Variants in ACBD4 observed in about 807,000 individuals in gnomAD.
ACBD4 encodes acyl-CoA-binding domain-containing protein 4.
Under a neutral mutation model 46.0 loss-of-function variants are expected in ACBD4, and 41 were observed. The ratio of observed to expected loss-of-function variants is 0.89; its 90% CI spans 0.69 to 1.16. The LOEUF is 1.16. Ranked by LOEUF, ACBD4 falls within the 50% of genes most tolerant of loss-of-function variation. The pLI is 0.00. For missense variants in ACBD4, 393 were observed against 399.5 expected, an observed-to-expected ratio of 0.98 and a Z score of 0.14; for synonymous variants, 162 against 155.9, an observed-to-expected ratio of 1.04 and a Z score of -0.29.
At chr17:45,141,628 C>T (rs2055277484) in intron 9 of ACBD4, among the ~76,000 whole-genome samples, 1 of 152,130 alleles carries the variant, frequency 6.6e-6, no homozygotes, top group Admixed American at 6.6e-5. Context: ...CACTGCACTC[C>T]AGCTTGGGTG....
In ACBD4 at chr17:45,143,603, A is replaced by G. The variant is rs1302797546; in HGVS notation, c.*32A>G. The G allele has an allele frequency of 6.2e-7, 1 of 1,613,944 alleles. No individual in the cohort carries two copies. Among genetic ancestry groups the G allele is most frequent in the East Asian group, 2.2e-5 (1 of 44,880 alleles). On this transcript the variant is annotated 3_prime_UTR_variant, in exon 10 of 10. Coordinates refer to ENST00000321854, the MANE Select transcript of ACBD4 (RefSeq NM_001135705.3). Reference sequence around the variant, plus strand: ...GTGGAGGGGTCTCTGCAGCCAACTGAGACTATCTTGCTGTGCCCTGAGCCT... The same window carrying G: ...GTGGAGGGGTCTCTGCAGCCAACTGGGACTATCTTGCTGTGCCCTGAGCCT...
rs201096011 is a variant in ACBD4 at position 45,139,093 on chromosome 17, A to C, written c.722A>C (p.Gln241Pro). 6.4e-5 allele frequency: 103 copies of C among 1,613,766 alleles called. No homozygotes were observed. Among genetic ancestry groups the C allele is most frequent in the Non-Finnish European group, 5.1e-6 (6 of 1,180,038 alleles). Reference protein sequence around the residue: ...VWLLGTVRALQESMQEVQARV... With the variant: ...VWLLGTVRALPESMQEVQARV... Reference sequence around the variant, plus strand: ...CTGCTGGGGACAGTTCGAGCACTACAGGAGAGCATGCAGGAGGTGCAGGCG... The same window carrying C: ...CTGCTGGGGACAGTTCGAGCACTACCGGAGAGCATGCAGGAGGTGCAGGCG... Residue 241 changes from glutamine (Q) to proline (P), a missense_variant, in exon 9 of 10, where the codon CAG becomes CCG. Gln to Pro is a moderately conservative substitution (Grantham distance 76). Transcript: ENST00000321854.
At chr17:45,132,147 C>T, upstream of ACBD4, 1 of 1,157,716 alleles carries the variant, frequency 8.6e-7, no homozygotes, top group Non-Finnish European at 1.1e-6. This position sits in a 1 kb window ranked among gnomAD's most constrained non-coding sequence, Gnocchi z 4.6. Flanking sequence ...CTCCCAGCCC[C>T]GTGCAGCCTG....
chr17:45,132,279 C>T (rs2054471622), upstream of ACBD4: 2 of 1,274,366 alleles, frequency 1.6e-6, no homozygotes, highest in East Asian at 2.9e-5. The surrounding 1 kb of genome is among the most constrained non-coding windows in gnomAD (Gnocchi z 4.6). Flanking sequence ...GCCCGGGCCT[C>T]TTGGTGCCGC....
At chr17:45,139,220 C>T in intron 9 of ACBD4, 60 bp downstream of exon 9, 1 of 1,576,054 alleles carries the variant, frequency 6.3e-7, no homozygotes, top group Admixed American at 1.7e-5. Context: ...ATTCTGGGCT[C>T]CTCTTCCAGC....
intron 9 of ACBD4, among the ~76,000 whole-genome samples, chr17:45,139,552 TCTC>T (rs1167660381): frequency 6.6e-6 from 1 of 152,120 alleles, no homozygotes; most frequent in Non-Finnish European, 1.5e-5. Flanking sequence ...CTTGCATCCC[TCTC>T]CTCAACTCCT....
upstream of ACBD4, chr17:45,132,461 G>A (rs1053961617): frequency 1.2e-5 from 13 of 1,113,184 alleles, no homozygotes; most frequent in Non-Finnish European, 5.6e-6. This position sits in a 1 kb window ranked among gnomAD's most constrained non-coding sequence, Gnocchi z 4.6. Flanking sequence ...CGGGGACAGG[G>A]CAGCGGGGCG....
Position 45,137,973 on chromosome 17 carries a change from C to T in ACBD4, c.634C>T (p.Pro212Ser). The T allele has an allele frequency of 1.9e-6, 3 of 1,613,456 alleles. No individual in the cohort carries two copies. Among genetic ancestry groups the T allele is most frequent in the African/African-American group, 1.3e-5 (1 of 75,024 alleles). Reference protein sequence around the residue: ...GKRDPRNSPVPPTKKEGLRGS... With the variant: ...GKRDPRNSPVSPTKKEGLRGS... ...GCGTGATCCCAGGAACAGCCCCGTG[C>T]CCCCCACAAAGAAAGGTGAGCTCCT... is the stretch of plus-strand genomic sequence containing the variant. The change falls in exon 8 of 10, where the codon CCC becomes TCC. Residue 212 changes from proline (P) to serine (S), a missense_variant. By Grantham distance (74) the Pro-to-Ser change is moderately conservative. This residue lies in a region of ACBD4 where 308 missense variants were observed against 301.8 expected (regional missense o/e 1.02). Coordinates refer to ENST00000321854, the MANE Select transcript of ACBD4 (RefSeq NM_001135705.3).
intron 4 of ACBD4, 54 bp from the exon 5 acceptor site, chr17:45,136,965 A>G: frequency 6.2e-7 from 1 of 1,610,446 alleles, no homozygotes; most frequent in Admixed American, 1.7e-5. Context: ...GGGCAGGAGC[A>G]GGGAGGAAGG....
chr17:45,136,985 C>T (rs772226630), intron 4 of ACBD4, 34 bp from the exon 5 acceptor site: 2 of 1,613,106 alleles, frequency 1.2e-6, no homozygotes, highest in Non-Finnish European at 1.7e-6. Flanking sequence ...GGACAGGAGG[C>T]CACTCCGTCC....
rs753474624 is a variant in ACBD4 at position 45,143,467 on chromosome 17, C to G, written c.814C>G (p.Arg272Gly). The G allele has an allele frequency of 1.2e-6, 2 of 1,612,024 alleles. No homozygotes were observed. The highest frequency in any genetic ancestry group is 2.2e-5 in the South Asian group (2 of 91,016). The change falls in exon 10 of 10, where the codon CGG becomes GGG. Residue 272 changes from arginine (R) to glycine (G), a missense_variant. By Grantham distance (125) the Arg-to-Gly change is moderately radical. Coordinates refer to ENST00000321854, the MANE Select transcript of ACBD4 (RefSeq NM_001135705.3). ...EQRPQPRPSA[R>G]PWPLGLPGPA... The stretch of plus-strand genomic sequence containing the variant: ...GAGGCCGCAGCCCAGGCCCAGTGCT[C>G]GGCCATGGCCCCTTGGGCTCCCGGG...
chr17:45,137,666 A>C, intron 6 of ACBD4, 94 bp from the exon 7 acceptor site: 1 of 1,445,568 alleles, frequency 6.9e-7, no homozygotes, highest in Non-Finnish European at 9.7e-7. Flanking sequence ...TCGTATCTCT[A>C]GTGTCTCCTA....
At position 45,136,762 on chromosome 17, in the gene ACBD4, C is replaced by T. The variant is rs370415104; in HGVS notation, c.280C>T (p.Leu94=). ...GTCTGCCTACATCACTGAAATGAAACTGGTGGCACAGAAGGTAAGGGCTGC... is the reference window on the plus strand; with the variant it reads ...GTCTGCCTACATCACTGAAATGAAATTGGTGGCACAGAAGGTAAGGGCTGC... ...AMSAYITEMK[L]VAQKVIDTVP... is the part of the protein sequence containing the mutation. The change falls in exon 4 of 10, where the codon CTG becomes TTG. Residue 94 remains leucine, a synonymous_variant. Coordinates refer to ENST00000321854, the MANE Select transcript of ACBD4 (RefSeq NM_001135705.3). The T allele has an allele frequency of 9.9e-6, 16 of 1,613,374 alleles. No homozygotes were observed. The highest frequency in any genetic ancestry group is 5.1e-6 in the Non-Finnish European group (6 of 1,180,044).
At chr17:45,139,265 C>A in intron 9 of ACBD4, 105 bp downstream of exon 9, 1 of 1,166,664 alleles carries the variant, frequency 8.6e-7, no homozygotes, top group Non-Finnish European at 1.2e-6. Flanking sequence ...TCCACCTGCC[C>A]ACATCTCTCT....
chr17:45,138,837 T>A (rs2055065673), intron 8 of ACBD4, among the ~76,000 whole-genome samples, 184 bp from the exon 9 acceptor site: 1 of 151,152 alleles, frequency 6.6e-6, no homozygotes, highest in Non-Finnish European at 1.5e-5. Flanking sequence ...TAAGCGGCCA[T>A]GCTGGGATTA....
chr17:45,135,420 C>G (rs1247723857), upstream of ACBD4: 2 of 152,218 alleles, frequency 1.3e-5, no homozygotes, highest in African/African-American at 2.4e-5. Context: ...CGGATTTCCA[C>G]CAGGGGGCGC....
At chr17:45,139,587 T>C (rs2055135187) in intron 9 of ACBD4, among the ~76,000 whole-genome samples, 1 of 152,128 alleles carries the variant, frequency 6.6e-6, no homozygotes, top group South Asian at 2.1e-4. Context: ...CCTCTGACAC[T>C]TGGGATCCTG....
rs557303418 is a variant in ACBD4, at chr17:45,139,040, G to T, written c.669G>T (p.Pro223=). The T allele has an allele frequency of 6.2e-7, 1 of 1,613,242 alleles. No individual in the cohort carries two copies. Among genetic ancestry groups the T allele is most frequent in the African/African-American group, 1.3e-5 (1 of 74,914 alleles). Residue 223 remains proline (P), a synonymous_variant, in exon 9 of 10, where the codon CCG becomes CCT. Transcript: ENST00000321854. Reference sequence around the variant, plus strand: ...CCGCAGAGGGGTTGCGGGGCAGCCCGCCGGGGCCCCAGGAGTTGGACGTGT... The same window carrying T: ...CCGCAGAGGGGTTGCGGGGCAGCCCTCCGGGGCCCCAGGAGTTGGACGTGT... The part of the protein sequence containing the change: ...PTKKEGLRGS[P]PGPQELDVWL...
At chr17:45,143,207 G>T (rs952421484) in intron 9 of ACBD4, among the ~76,000 whole-genome samples, 1 of 152,198 alleles carries the variant, frequency 6.6e-6, no homozygotes, top group Non-Finnish European at 1.5e-5. Flanking sequence ...CATGGAAGCC[G>T]CTCCCTCTAC....
Sources: allele counts gnomAD v4.1 joint callset (sites outside exome capture counted in the v4.1 genomes callset), GRCh38; gene constraint gnomAD v4.1.1; regional missense constraint gnomAD v4.1.1; non-coding constraint Gnocchi (gnomAD v3.1); transcripts MANE v1.5; gene names NCBI Gene and HGNC (gene_info 2026-07-23, HGNC 2026-07-21).